Variants in ACLY observed in about 807,000 individuals in gnomAD.
The protein encoded by ACLY is ATP-citrate synthase.
ACLY carries 41 observed loss-of-function variants against 133.0 expected under a neutral mutation model. That is an observed-to-expected ratio of 0.31 (90% CI 0.24 to 0.40). The LOEUF is 0.40. Among genes scored for constraint, ACLY ranks in the 10% least tolerant of loss-of-function variants. ACLY has a pLI of 1.00. For synonymous variants in ACLY, 495 were observed against 549.3 expected (o/e 0.90, Z 1.38); for missense variants, 1,046 against 1,453.8 (o/e 0.72, Z 4.56).
rs72114022 is a variant in ACLY at position 41,904,355 on chromosome 17, AGGAAGGGAAGGGAAG to A, written c.1065+359_1065+373del. 96 of 145,242 alleles carry A rather than the reference AGGAAGGGAAGGGAAG, an allele frequency of 6.6e-4. 1 individual carries two copies. The Middle Eastern group carries it at 0.012, about 18-fold the overall frequency. The allele number at this position is 145,242 out of a possible 1,614,324, so 9.0% of individuals were successfully genotyped here. On this transcript the variant is annotated intron_variant, in intron 10 of 28. Transcript: ENST00000352035. ...AGGGAAGAAGGAAGGGAAGGGAAGAAGGAAGGGAAGGGAAGGGAAGGGAAGGGAAGGGAAAGGAAG... is the reference window on the plus strand; with the variant it reads ...AGGGAAGAAGGAAGGGAAGGGAAGAAGGAAGGGAAGGGAAGGGAAAGGAAG...
chr17:41,898,421 A>T (rs1423409803), intron 12 of ACLY, among the ~76,000 whole-genome samples: 1 of 152,158 alleles, frequency 6.6e-6, no homozygotes, highest in African/African-American at 2.4e-5. Context: ...CCACAATTTG[A>T]ACTTGGATCC....
chr17:41,907,684 ACT>A (rs1204645059), intron 6 of ACLY, 112 bp from the exon 7 acceptor site: 3 of 1,262,666 alleles, frequency 2.4e-6, no homozygotes, highest in Non-Finnish European at 3.3e-6. Flanking sequence ...AGGCCTCAGA[ACT>A]CTCTAAGCTC....
intron 23 of ACLY, among the ~76,000 whole-genome samples, chr17:41,873,360 T>C (rs2048648578): frequency 6.6e-6 from 1 of 152,112 alleles, no homozygotes; most frequent in Non-Finnish European, 1.5e-5. Context: ...TTTGTATTTT[T>C]AGTAGAGATG....
In ACLY at chr17:41,898,696, G is replaced by C; in HGVS notation, c.1273C>G (p.Pro425Ala). Reference protein sequence around the residue: ...VGMALGHRPIPNQPPTAAHTA... With the variant: ...VGMALGHRPIANQPPTAAHTA... ...TGGGCCGCTGTGGGTGGCTGGTTGGGGATGGGCCGGTGGCCCAGGGCCATG... is the reference window on the plus strand; with the variant it reads ...TGGGCCGCTGTGGGTGGCTGGTTGGCGATGGGCCGGTGGCCCAGGGCCATG... The change falls in exon 12 of 29, where the codon CCC becomes GCC. Residue 425 changes from proline to alanine, a missense_variant. By Grantham distance (27) the Pro-to-Ala change is conservative (BLOSUM62 -1). Around this residue, in one of 4 missense-constraint regions of ACLY, gnomAD observed 575 missense variants for 804.2 expected, o/e 0.71. Transcript: ENST00000352035. The C allele has an allele frequency of 6.2e-7, 1 of 1,613,920 alleles. No homozygotes were observed.
rs387907380 is a variant in ACLY, at chr17:41,918,923, G to A, written c.-67C>T. On this transcript the variant is annotated 5_prime_UTR_variant, in exon 1 of 29. Coordinates refer to ENST00000352035, the MANE Select transcript of ACLY (RefSeq NM_001096.3). ...GCGGCGCTTCTTCCACAGGCCCGAC[G>A]AACCCCGCAAAATCCGGAGCACCCC... The A allele has an allele frequency of 3.8e-4, 489 of 1,288,992 alleles. No individual in the cohort carries two copies. The highest frequency in any genetic ancestry group is 4.8e-4 in the Non-Finnish European group (470 of 988,616). The allele number at this position is 1,288,992 out of a possible 1,614,324, so 79.8% of individuals were successfully genotyped here.
At chr17:41,869,414 C>G in intron 26 of ACLY, 60 bp downstream of exon 26, 1 of 1,354,550 alleles carries the variant, frequency 7.4e-7, no homozygotes, top group Non-Finnish European at 1.1e-6. Flanking sequence ...TAACGTGGCT[C>G]CTGTTTCCTC....
In ACLY at chr17:41,907,426, T is replaced by C; in HGVS notation, c.747+16A>G. 6.3e-7 allele frequency: 1 copy of C among 1,597,314 alleles called. No homozygotes were observed. Among genetic ancestry groups the C allele is most frequent in the East Asian group, 2.3e-5 (1 of 44,234 alleles). ...CCCTCCCCCCAGTCCCCATCTCCTC[T>C]CTAAACCAGCCTTACCTCTGGATAT... On this transcript the variant is annotated intron_variant, in intron 7 of 28. Coordinates refer to ENST00000352035, the MANE Select transcript of ACLY (RefSeq NM_001096.3).
rs527559358 is a variant in ACLY at position 41,893,403 on chromosome 17, C to A, written c.1460-229G>T. 1.7e-4 allele frequency among the ~76,000 whole-genome samples: 26 copies of A among 152,284 alleles called. No individual in the cohort carries two copies. In the South Asian group the frequency reaches 1.9e-3, roughly 11 times the overall value. ...GAGCAAATCAAGCTAAGAGGGCCTGCTAGCTGGTAAGTAGCTCTGCAAAGA... is the reference window on the plus strand; with the variant it reads ...GAGCAAATCAAGCTAAGAGGGCCTGATAGCTGGTAAGTAGCTCTGCAAAGA... On this transcript the variant is annotated intron_variant, in intron 14 of 28. Coordinates refer to ENST00000352035, the MANE Select transcript of ACLY (RefSeq NM_001096.3).
At chr17:41,876,878 C>G (rs1261924302) in intron 22 of ACLY, among the ~76,000 whole-genome samples, 1 of 151,444 alleles carries the variant, frequency 6.6e-6, no homozygotes, top group East Asian at 1.9e-4. Context: ...AAATCCCCCT[C>G]TGCGAGAAAC....
intron 4 of ACLY, 124 bp from the exon 5 acceptor site, chr17:41,909,824 T>G (rs2049844741): frequency 1.2e-6 from 1 of 841,518 alleles, no homozygotes; most frequent in Non-Finnish European, 1.8e-6. Context: ...ACGGTCTCAT[T>G]TTCTAAAACC....
chr17:41,889,396 G>A (rs8075945), intron 16 of ACLY, among the ~76,000 whole-genome samples: 102,968 of 150,486 alleles, frequency 0.68, 36,746 homozygotes, highest in Admixed American at 0.82. Flanking sequence ...GCAGGCGCCT[G>A]TAGTCCCAGC....
intron 14 of ACLY, among the ~76,000 whole-genome samples, chr17:41,896,224 C>G (rs1260601540): frequency 6.6e-6 from 1 of 152,136 alleles, no homozygotes; most frequent in East Asian, 1.9e-4. Context: ...CTTCTGCACC[C>G]CAGCAGTGAC....
At position 41,892,303 on chromosome 17, in the gene ACLY, G is replaced by A. The variant is rs782122846; in HGVS notation, c.1746C>T (p.Thr582=). 1.3e-6 allele frequency: 2 copies of A among 1,584,316 alleles called. No individual in the cohort carries two copies. The highest frequency in any genetic ancestry group is 1.7e-6 in the Non-Finnish European group (2 of 1,172,618). The part of the protein sequence containing the change: ...FASLRSAYDS[T]METMNYAQIR... ...CCTGGGCATAGTTCATGGTCTCCATGGTGCTGTCATAGGCAGAGCGGAGAG... is the reference window on the plus strand; with the variant it reads ...CCTGGGCATAGTTCATGGTCTCCATAGTGCTGTCATAGGCAGAGCGGAGAG... The change falls in exon 16 of 29, where the codon ACC becomes ACT. Residue 582 remains threonine, a synonymous_variant. Coordinates refer to ENST00000352035, the MANE Select transcript of ACLY (RefSeq NM_001096.3).
In ACLY at chr17:41,896,797, C is replaced by T. The variant is rs1394678355; in HGVS notation, c.1430-148G>A. ...CCCTCTCCTGTTCTGCAATGGACAA[C>T]GGAGTAAGGCCAGCAGAAGAGGTGA... On this transcript the variant is annotated intron_variant, in intron 13 of 28. Coordinates refer to ENST00000352035, the MANE Select transcript of ACLY (RefSeq NM_001096.3). The T allele has an allele frequency of 4.9e-5, 30 of 618,118 alleles. No homozygotes were observed. In the Admixed American group the frequency reaches 4.9e-4, roughly 10 times the overall value. 38.3% of individuals were successfully genotyped at this position (618,118 alleles called of 1,614,324 possible).
At chr17:41,871,399 CTG>C (rs1179795921) in intron 25 of ACLY, among the ~76,000 whole-genome samples, 1 of 149,338 alleles carries the variant, frequency 6.7e-6, no homozygotes, top group Non-Finnish European at 1.5e-5. Context: ...GTTGCCCAGA[CTG>C]GAGTGCCATG....
intron 10 of ACLY, among the ~76,000 whole-genome samples, chr17:41,902,860 A>G (rs1555631879): frequency 6.6e-6 from 1 of 152,144 alleles, no homozygotes; most frequent in Non-Finnish European, 1.5e-5. Context: ...ACAGGGTCTC[A>G]TTGTCGCCCA....
intron 20 of ACLY, 49 bp downstream of exon 20, chr17:41,883,073 C>T: frequency 2.0e-6 from 3 of 1,495,658 alleles, no homozygotes; most frequent in Non-Finnish European, 1.8e-6. Flanking sequence ...CAAATGCCCC[C>T]TCTTGCAATC....
chr17:41,921,166 C>T (rs1239586920), upstream of ACLY, among the ~76,000 whole-genome samples: 13 of 149,334 alleles, frequency 8.7e-5, no homozygotes, highest in East Asian at 2.0e-4. Flanking sequence ...GGCACTGTAT[C>T]GGGTGCCTGT....
chr17:41,879,366 A>G (rs1323725072), intron 20 of ACLY, among the ~76,000 whole-genome samples: 4 of 150,196 alleles, frequency 2.7e-5, no homozygotes, highest in Admixed American at 1.3e-4. Context: ...TCGGCCTTGC[A>G]AAGTGCTGGG....
Sources: gnomAD v4.1 joint callset for allele counts (sites outside exome capture counted in the v4.1 genomes callset) on GRCh38, gnomAD v4.1.1 for gene constraint, gnomAD v4.1.1 regional missense constraint, MANE v1.5 for transcripts, NCBI Gene and HGNC (gene_info 2026-07-23, HGNC 2026-07-21) for gene names.